Variants in MTO1 observed in about 807,000 individuals in gnomAD.
The protein encoded by MTO1 is 5-taurinomethyluridine-[tRNA] synthase subunit MTO1, mitochondrial.
MTO1 carries 46 observed loss-of-function variants against 71.6 expected under a neutral mutation model. The ratio of observed to expected loss-of-function variants is 0.64; its 90% CI spans 0.51 to 0.82. The LOEUF is 0.82. MTO1 is among the 40% of genes least tolerant of loss of function. MTO1 has a pLI of 0.00. For missense variants in MTO1, 773 were observed against 867.5 expected (o/e 0.89, Z 1.37); for synonymous variants, 297 against 312.1 (o/e 0.95, Z 0.51).
intron 4 of MTO1, among the ~76,000 whole-genome samples, chr6:73,475,329 C>T (rs1439783021): frequency 6.6e-6 from 1 of 151,972 alleles, no homozygotes; most frequent in African/African-American, 2.4e-5. Context: ...GTTGCCCAAC[C>T]TGTGGTGCAA....
At chr6:73,485,811 T>C (rs1278024500) in intron 9 of MTO1, among the ~76,000 whole-genome samples, 1 of 152,186 alleles carries the variant, frequency 6.6e-6, no homozygotes, top group African/African-American at 2.4e-5. Context: ...TAAAATCCGG[T>C]TAAAAATACA....
At position 73,508,307 on chromosome 6, in the gene MTO1, T is replaced by G. The variant is rs955055142; in HGVS notation, c.*7572T>G. 2 of 152,222 alleles carry G rather than the reference T, an allele frequency of 1.3e-5. No individual in the cohort carries two copies. Among genetic ancestry groups the G allele is most frequent in the Admixed American group, 1.3e-4 (2 of 15,272 alleles). 9.4% of individuals were successfully genotyped at this position (152,222 alleles called of 1,614,324 possible). A position where few individuals can be genotyped will look rare whatever the true frequency, so the allele number is the denominator to read the frequency against. On this transcript the variant is annotated 3_prime_UTR_variant, in exon 12 of 12. Coordinates refer to ENST00000498286, the MANE Select transcript of MTO1 (RefSeq NM_012123.4). Reference sequence around the variant, plus strand: ...ATTTTTTAGTCCAGTGGCTTGTAATTAAGTCATTTTTAGTCTTTAATTATG... The same window carrying G: ...ATTTTTTAGTCCAGTGGCTTGTAATGAAGTCATTTTTAGTCTTTAATTATG...
At position 73,466,184 on chromosome 6, in the gene MTO1, TTTTG is replaced by T. The variant is rs771351744; in HGVS notation, c.218-21_218-18del. 5 of 1,577,356 alleles carry T rather than the reference TTTTG, an allele frequency of 3.2e-6. No individual in the cohort carries two copies. In the South Asian group the frequency reaches 3.3e-5, roughly 10 times the overall value. ...TATGTGCAAGGTGCTCATATATTTA[TTTTG>T]TTTATGTCTATTATCTTTAGGTCAG... is the stretch of plus-strand genomic sequence containing the variant. On this transcript the variant is annotated intron_variant, in intron 1 of 11. Coordinates refer to ENST00000498286, the MANE Select transcript of MTO1 (RefSeq NM_012123.4).
rs1772175888 is a variant in MTO1, at chr6:73,502,128, T to A, written c.*1393T>A. The A allele has an allele frequency of 1.3e-5, 2 of 152,218 alleles. No homozygotes were observed. Among genetic ancestry groups the A allele is most frequent in the Admixed American group, 1.3e-4 (2 of 15,268 alleles). 9.4% of individuals were successfully genotyped at this position (152,218 alleles called of 1,614,324 possible). A position where few individuals can be genotyped will look rare whatever the true frequency, so the allele number is the denominator to read the frequency against. ...TTCTTCTTACAGAGACAATATTAAT[T>A]ACAATACCACATTGTGTATATATTT... On this transcript the variant is annotated 3_prime_UTR_variant, in exon 12 of 12. Coordinates refer to ENST00000498286, the MANE Select transcript of MTO1 (RefSeq NM_012123.4).
intron 3 of MTO1, among the ~76,000 whole-genome samples, chr6:73,470,144 G>T (rs1410016386): frequency 6.6e-6 from 1 of 152,156 alleles, no homozygotes; most frequent in African/African-American, 2.4e-5. Context: ...AAAATGGTAA[G>T]AGAGGCTGTG....
chr6:73,478,517 C>G (rs546641302), intron 4 of MTO1, among the ~76,000 whole-genome samples: 50 of 152,190 alleles, frequency 3.3e-4, no homozygotes, highest in South Asian at 8.3e-4. Flanking sequence ...TATATATTTG[C>G]TTTGGTAGTA....
intron 9 of MTO1, among the ~76,000 whole-genome samples, chr6:73,486,258 A>C (rs2017272): frequency 6.6e-6 from 1 of 152,006 alleles, no homozygotes; most frequent in Non-Finnish European, 1.5e-5. Context: ...TTACCATCTT[A>C]ACTATTTGTA....
At chr6:73,482,795 T>C (rs957607859) in intron 9 of MTO1, among the ~76,000 whole-genome samples, 175 bp downstream of exon 9, 2 of 137,536 alleles carry the variant, frequency 1.5e-5, no homozygotes, top group East Asian at 2.1e-4. Context: ...CTTTCTTTTT[T>C]TTTTTTTTTT....
At chr6:73,488,858 C>T (rs1771730507) in intron 9 of MTO1, among the ~76,000 whole-genome samples, 1 of 152,152 alleles carries the variant, frequency 6.6e-6, no homozygotes, top group Admixed American at 6.6e-5. Flanking sequence ...ATGGAGGTTG[C>T]AGTGAGCACA....
intron 4 of MTO1, among the ~76,000 whole-genome samples, chr6:73,477,945 ATC>A (rs751833727): frequency 6.6e-6 from 1 of 152,038 alleles, no homozygotes; most frequent in Non-Finnish European, 1.5e-5. Flanking sequence ...ACTTTTACCT[ATC>A]TCTCGAGTTT....
chr6:73,499,114 G>A (rs982328532), intron 11 of MTO1, among the ~76,000 whole-genome samples: 12 of 151,780 alleles, frequency 7.9e-5, no homozygotes, highest in African/African-American at 1.9e-4. Flanking sequence ...AAATAAAGGG[G>A]CATATTACAA....
chr6:73,480,868 A>C (rs1771469574), intron 7 of MTO1, 63 bp downstream of exon 7: 2 of 1,519,852 alleles, frequency 1.3e-6, no homozygotes, highest in Non-Finnish European at 1.8e-6. Context: ...TCTCCTTTTA[A>C]TGTCTGTTGT....
rs531875688 is a variant in MTO1, at chr6:73,501,760, C to G, written c.*1025C>G. 2 of 152,286 alleles carry G rather than the reference C, an allele frequency of 1.3e-5. No homozygotes were observed. The highest frequency in any genetic ancestry group is 3.9e-4 in the East Asian group (2 of 5,186). 9.4% of individuals were successfully genotyped at this position (152,286 alleles called of 1,614,324 possible). A position where few individuals can be genotyped will look rare whatever the true frequency, so the allele number is the denominator to read the frequency against. On this transcript the variant is annotated 3_prime_UTR_variant, in exon 12 of 12. Transcript: ENST00000498286. ...TCCAACCCAGATCTCTGGTGTCAGCCTAGGGAGAAGCTCCCGTGTCACCTT... is the reference window on the plus strand; with the variant it reads ...TCCAACCCAGATCTCTGGTGTCAGCGTAGGGAGAAGCTCCCGTGTCACCTT...
In MTO1 at chr6:73,507,220, T is replaced by G. The variant is rs673265; in HGVS notation, c.*6485T>G. ...TGGTTCACACCTGTAATCCCAGCAC[T>G]TTGGAAGGCCAAAGTGGGAGGATCA... On this transcript the variant is annotated 3_prime_UTR_variant, in exon 12 of 12. Coordinates refer to ENST00000498286, the MANE Select transcript of MTO1 (RefSeq NM_012123.4). The G allele has an allele frequency of 0.58, 87,477 of 152,064 alleles. 26,386 individuals carry two copies. Among genetic ancestry groups the G allele is most frequent in the Non-Finnish European group, 0.68 (46,288 of 68,054 alleles). 9.4% of individuals were successfully genotyped at this position (152,064 alleles called of 1,614,324 possible).
At chr6:73,488,439 CT>C (rs1646677053) in intron 9 of MTO1, among the ~76,000 whole-genome samples, 1 of 152,134 alleles carries the variant, frequency 6.6e-6, no homozygotes, top group African/African-American at 2.4e-5. Flanking sequence ...TCCCAAAGCA[CT>C]AGGATTACAG....
At chr6:73,498,406 A>G (rs1057493698) in intron 11 of MTO1, among the ~76,000 whole-genome samples, 1 of 150,752 alleles carries the variant, frequency 6.6e-6, no homozygotes, top group African/African-American at 2.4e-5. Context: ...GTACACGTGT[A>G]TGGCTTAAAG....
At chr6:73,497,195 C>T (rs1772009578) in intron 10 of MTO1, among the ~76,000 whole-genome samples, 1 of 123,444 alleles carries the variant, frequency 8.1e-6, no homozygotes, top group Non-Finnish European at 1.6e-5. Flanking sequence ...CTCTGTCGCC[C>T]AGGCTGGAGT....
At chr6:73,487,448 T>G (rs1771686804) in intron 9 of MTO1, 1 of 151,452 alleles carries the variant, frequency 6.6e-6, no homozygotes, top group African/African-American at 2.4e-5. Context: ...CCCAAAATGC[T>G]GGAATTACAG....
At chr6:73,500,437 T>C in intron 11 of MTO1, 137 bp from the exon 12 acceptor site, 1 of 654,182 alleles carries the variant, frequency 1.5e-6, no homozygotes. Context: ...CAAGGAAATA[T>C]GTTAAGATAA....
Sources: allele counts gnomAD v4.1 joint callset (sites outside exome capture counted in the v4.1 genomes callset), GRCh38; gene constraint gnomAD v4.1.1; transcripts MANE v1.5; gene names NCBI Gene and HGNC (gene_info 2026-07-23, HGNC 2026-07-21).